The following ARHGAP10 variants were observed in gnomAD, a reference collection of about 807,000 sequenced individuals.
ARHGAP10 encodes rho GTPase-activating protein 10.
Under a neutral mutation model 108.6 loss-of-function variants are expected in ARHGAP10, and 87 were observed. The ratio of observed to expected loss-of-function variants is 0.80; its 90% confidence interval spans 0.67 to 0.96. The LOEUF (loss-of-function observed/expected upper bound fraction) is 0.96, where lower values mean the gene tolerates loss of function less well. ARHGAP10 is among the 40% of genes least tolerant of loss of function. The pLI, the probability that ARHGAP10 is intolerant of heterozygous loss-of-function variation, is 0.00. For missense variants in ARHGAP10, 939 were observed against 954.5 expected (o/e 0.98, Z 0.21); for synonymous variants, 347 against 341.1 (o/e 1.02, Z -0.19).
intron 1 of ARHGAP10, among the ~76,000 whole-genome samples, chr4:147,814,654 A>AAATGTTTGAAT (rs1405435097): frequency 6.6e-6 from 1 of 152,124 alleles, no homozygotes; most frequent in East Asian, 1.9e-4. Context: ...TTTGCTACCA[A>AAATGTTTGAAT]AATGTTTGAA....
At chr4:147,878,538 G>T (rs966789224) in intron 8 of ARHGAP10, among the ~76,000 whole-genome samples, 3 of 152,136 alleles carry the variant, frequency 2.0e-5, no homozygotes, top group Admixed American at 6.5e-5. Context: ...ATCATTTTGA[G>T]AGGCCAGAAT....
At chr4:148,069,431 G>A (rs371658595) in intron 22 of ARHGAP10, among the ~76,000 whole-genome samples, 8 of 152,280 alleles carry the variant, frequency 5.3e-5, no homozygotes, top group African/African-American at 1.9e-4. Flanking sequence ...TTGTGGAGGC[G>A]TCTCTCTGGT....
intron 18 of ARHGAP10, among the ~76,000 whole-genome samples, chr4:147,973,698 C>G (rs1020727906): frequency 6.6e-6 from 1 of 152,172 alleles, no homozygotes; most frequent in African/African-American, 2.4e-5. Flanking sequence ...ACTACCCTCC[C>G]CAGCCTCTGG....
At chr4:148,029,351 C>G in intron 19 of ARHGAP10, among the ~76,000 whole-genome samples, 1 of 152,332 alleles carries the variant, frequency 6.6e-6, no homozygotes, top group Non-Finnish European at 1.5e-5. Context: ...ACATTCACGG[C>G]AGCGGTGCAC....
At chr4:148,020,587 G>A (rs946782141) in intron 18 of ARHGAP10, among the ~76,000 whole-genome samples, 2 of 151,274 alleles carry the variant, frequency 1.3e-5, no homozygotes, top group African/African-American at 4.9e-5. Context: ...GAGGATAATG[G>A]CTTCCAGCTC....
intron 10 of ARHGAP10, among the ~76,000 whole-genome samples, chr4:147,903,294 T>C (rs1736325777): frequency 6.6e-6 from 1 of 152,188 alleles, no homozygotes; most frequent in African/African-American, 2.4e-5. Flanking sequence ...AAAAAAAACT[T>C]TTCTGAGAGA....
intron 4 of ARHGAP10, among the ~76,000 whole-genome samples, chr4:147,854,012 T>G (rs1160255687): frequency 6.6e-6 from 1 of 152,216 alleles, no homozygotes; most frequent in East Asian, 1.9e-4. Flanking sequence ...GTTTTTGACC[T>G]CTAATGGTAT....
In ARHGAP10 at chr4:147,755,543, A is replaced by G. The variant is rs1370900169; in HGVS notation, c.154+23088A>G. Among the ~76,000 whole-genome samples, 3 of 152,310 alleles carry G rather than the reference A, an allele frequency of 2.0e-5. No homozygotes were observed. In the East Asian group the frequency reaches 5.8e-4, roughly 29 times the overall value. ...CGTCTCAAAAAAAGGGAAAGAAAAAAAAATACCAGTTCCATGTTATCAAGA... is the reference window on the plus strand; with the variant it reads ...CGTCTCAAAAAAAGGGAAAGAAAAAGAAATACCAGTTCCATGTTATCAAGA... On this transcript the variant is annotated intron_variant, in intron 1 of 22. Transcript: ENST00000336498.
At chr4:147,992,425 T>C (rs1259481383) in intron 18 of ARHGAP10, among the ~76,000 whole-genome samples, 5 of 152,212 alleles carry the variant, frequency 3.3e-5, no homozygotes, top group Non-Finnish European at 5.9e-5. Flanking sequence ...TAATTTTTTT[T>C]GTGGAGGAGT....
intron 1 of ARHGAP10, among the ~76,000 whole-genome samples, chr4:147,799,053 G>A (rs1301398373): frequency 6.7e-6 from 1 of 149,418 alleles, no homozygotes; most frequent in Admixed American, 6.7e-5. Context: ...TTTTCTCTTC[G>A]AGATGGAGTC....
intron 19 of ARHGAP10, among the ~76,000 whole-genome samples, chr4:148,039,159 G>T (rs1225820159): frequency 2.0e-5 from 3 of 151,968 alleles, no homozygotes; most frequent in Admixed American, 2.0e-4. Flanking sequence ...ACATGATCAA[G>T]TTAGCTGAAC....
At chr4:147,817,115 A>C (rs1050889142) in intron 1 of ARHGAP10, among the ~76,000 whole-genome samples, 1 of 152,220 alleles carries the variant, frequency 6.6e-6, no homozygotes, top group African/African-American at 2.4e-5. Flanking sequence ...ATTCAGATTT[A>C]ATGAGTGACA....
intron 18 of ARHGAP10, among the ~76,000 whole-genome samples, chr4:147,968,988 A>G (rs889377741): frequency 6.6e-6 from 1 of 152,238 alleles, no homozygotes; most frequent in Non-Finnish European, 1.5e-5. Flanking sequence ...CTCTCTGCTA[A>G]GATCCTTGAG....
chr4:148,016,236 A>T (rs941052854), intron 18 of ARHGAP10, among the ~76,000 whole-genome samples: 2 of 152,198 alleles, frequency 1.3e-5, no homozygotes, highest in Admixed American at 1.3e-4. Flanking sequence ...GGATGCAGTG[A>T]CTCATACCTG....
intron 1 of ARHGAP10, among the ~76,000 whole-genome samples, chr4:147,772,698 T>C (rs1362336802): frequency 6.6e-6 from 1 of 152,254 alleles, no homozygotes; most frequent in East Asian, 1.9e-4. Context: ...TGTTGACTTC[T>C]AGGGGAAAAT....
At chr4:147,888,367 C>T (rs1735655477) in intron 10 of ARHGAP10, among the ~76,000 whole-genome samples, 1 of 152,170 alleles carries the variant, frequency 6.6e-6, no homozygotes, top group African/African-American at 2.4e-5. Flanking sequence ...GCATTTCAAA[C>T]AGTGTCGATG....
At position 147,832,836 on chromosome 4, in the gene ARHGAP10, A is replaced by G. The variant is rs1017511131; in HGVS notation, c.312+9879A>G. Among the ~76,000 whole-genome samples the G allele has an allele frequency of 2.0e-5, 3 of 152,046 alleles. No homozygotes were observed. In the East Asian group the frequency reaches 5.8e-4, roughly 29 times the overall value. ...CCACCTTTGAACATTAGTGAAATGG[A>G]TATGTATCTTATAGTTGCTATCCAC... On this transcript the variant is annotated intron_variant, in intron 3 of 22. Coordinates refer to ENST00000336498, the MANE Select transcript of ARHGAP10 (RefSeq NM_024605.4).
At chr4:148,043,752 ATG>A (rs1560889655) in intron 19 of ARHGAP10, among the ~76,000 whole-genome samples, 15 of 142,666 alleles carry the variant, frequency 1.1e-4, no homozygotes, top group African/African-American at 3.2e-4. Context: ...ATATGTATAT[ATG>A]TATATATATG....
chr4:147,965,333 A>G (rs1739165616), intron 17 of ARHGAP10, among the ~76,000 whole-genome samples: 1 of 152,132 alleles, frequency 6.6e-6, no homozygotes, highest in African/African-American at 2.4e-5. Flanking sequence ...TCTGCCAGCA[A>G]CTCAGGGTTT....
Sources: allele counts gnomAD v4.1 joint callset (sites outside exome capture counted in the v4.1 genomes callset), GRCh38; gene constraint gnomAD v4.1.1; transcripts MANE v1.5; gene names NCBI Gene and HGNC (gene_info 2026-07-23, HGNC 2026-07-21).